Variants in MRPL13 observed in about 807,000 individuals in gnomAD.
MRPL13 encodes mitochondrial ribosomal protein L13.
Under a neutral mutation model 29.0 loss-of-function variants are expected in MRPL13, and 33 were observed. The ratio of observed to expected loss-of-function variants is 1.14; its 90% CI spans 0.86 to 1.52. The LOEUF is 1.52. Among genes scored for constraint, MRPL13 ranks in the 40% most tolerant of loss-of-function variants. The probability of loss-of-function intolerance (pLI) is 0.00; values close to 1 mark genes in which losing one functional copy is unlikely to be tolerated. For synonymous variants in MRPL13, 77 were observed against 68.4 expected, an observed-to-expected ratio of 1.13 and a Z score of -0.62; for missense variants, 227 against 216.7, an observed-to-expected ratio of 1.05 and a Z score of -0.30.
intron 5 of MRPL13, among the ~76,000 whole-genome samples, chr8:120,416,365 G>C (rs905389434): frequency 3.9e-5 from 6 of 152,098 alleles, no homozygotes; most frequent in African/African-American, 1.2e-4. Context: ...GTGGTGGCGG[G>C]TGCCTGTAGT....
intron 1 of MRPL13, 143 bp downstream of exon 1, chr8:120,444,925 C>A: frequency 3.0e-6 from 3 of 992,744 alleles, no homozygotes; most frequent in South Asian, 2.7e-5. Context: ...GACTGACGAC[C>A]CTCTTGTGCT....
chr8:120,437,836 A>AT (rs1292147159), intron 2 of MRPL13, among the ~76,000 whole-genome samples: 1 of 152,144 alleles, frequency 6.6e-6, no homozygotes. Flanking sequence ...AATGATCATC[A>AT]TTTGTAATAT....
rs774195780 is a variant in MRPL13, at chr8:120,443,225, T to C, written c.111A>G (p.Ile37Met). 2.2e-5 allele frequency: 35 copies of C among 1,609,416 alleles called. No homozygotes were observed. The highest frequency in any genetic ancestry group is 2.8e-5 in the Non-Finnish European group (33 of 1,177,842). ...PPGKLAAMAS[I>M]RLQGLHKPVY... Reference sequence around the variant, plus strand: ...CAGGTTTATGTAATCCCTGAAGTCTTATAGATGCCATAGCAGCAAGTTTGC... The same window carrying C: ...CAGGTTTATGTAATCCCTGAAGTCTCATAGATGCCATAGCAGCAAGTTTGC... Residue 37 changes from isoleucine (I) to methionine (M), a missense_variant, in exon 2 of 7, where the codon ATA becomes ATG. Physicochemically the swap from Ile to Met is conservative, Grantham distance 10 (BLOSUM62 1). Coordinates refer to ENST00000306185, the MANE Select transcript of MRPL13 (RefSeq NM_014078.6).
chr8:120,443,328 A>AG lies in MRPL13; in HGVS notation c.28-21_28-20insC, dbSNP rs754912836. ...CCATTGCTTGGGGGGGAAAAAAAAAAAAAAGAAGAGGAAAAAATAAAGATA... is the reference window on the plus strand; with the variant it reads ...CCATTGCTTGGGGGGGAAAAAAAAAAGAAAAGAAGAGGAAAAAATAAAGATA... On this transcript the variant is annotated intron_variant, in intron 1 of 6. Transcript: ENST00000306185. 4 of 1,555,400 alleles carry AG rather than the reference A, an allele frequency of 2.6e-6. No homozygotes were observed. The highest frequency in any genetic ancestry group is 2.6e-6 in the Non-Finnish European group (3 of 1,156,840).
intron 5 of MRPL13, among the ~76,000 whole-genome samples, chr8:120,418,138 T>C (rs557094861): frequency 1.8e-3 from 275 of 152,194 alleles, no homozygotes; most frequent in Non-Finnish European, 3.4e-3. Context: ...TGCATACAAA[T>C]GTAGTATGCC....
chr8:120,407,242 C>A (rs1812679404), intron 6 of MRPL13, among the ~76,000 whole-genome samples: 2 of 152,118 alleles, frequency 1.3e-5, no homozygotes, highest in South Asian at 4.1e-4. Context: ...CACCTCTTAA[C>A]ATTAGGAAAA....
At chr8:120,407,786 CT>C (rs1468272576) in intron 6 of MRPL13, among the ~76,000 whole-genome samples, 3 of 152,062 alleles carry the variant, frequency 2.0e-5, no homozygotes, top group Non-Finnish European at 4.4e-5. Flanking sequence ...TTGAGTGTAG[CT>C]TAAGTGTAAT....
Position 120,445,100 on chromosome 8 carries a change from T to C in MRPL13, c.-6A>G. 2.5e-6 allele frequency: 4 copies of C among 1,613,842 alleles called. No individual in the cohort carries two copies. Among genetic ancestry groups the C allele is most frequent in the Non-Finnish European group, 3.4e-6 (4 of 1,179,902 alleles). ...GCCCTAGAGAAACTCGACATATTCC[T>C]CTACTAGCAGGACCGTACGTCCTTC... On this transcript the variant is annotated 5_prime_UTR_variant, in exon 1 of 7. Coordinates refer to ENST00000306185, the MANE Select transcript of MRPL13 (RefSeq NM_014078.6).
At chr8:120,420,260 C>G (rs1348609649) in intron 4 of MRPL13, among the ~76,000 whole-genome samples, 1 of 151,156 alleles carries the variant, frequency 6.6e-6, no homozygotes, top group African/African-American at 2.4e-5. Context: ...TAAAGCTAAA[C>G]CCACTAAAAC....
chr8:120,411,780 G>C (rs1029447869), intron 6 of MRPL13, among the ~76,000 whole-genome samples: 16 of 152,172 alleles, frequency 1.1e-4, no homozygotes, highest in Admixed American at 3.3e-4. Flanking sequence ...TATTCCCAGA[G>C]TAGTAACTAA....
intron 6 of MRPL13, 124 bp downstream of exon 6, chr8:120,413,867 G>A: frequency 8.2e-7 from 1 of 1,225,714 alleles, no homozygotes; most frequent in South Asian, 2.8e-5. Flanking sequence ...AGTAGCTGCT[G>A]AGTTCCCAGG....
Position 120,443,317 on chromosome 8 carries a change from G to GT in MRPL13, c.28-10_28-9insA, listed in dbSNP as rs763415233. 7.1e-7 allele frequency: 1 copy of GT among 1,416,142 alleles called. No homozygotes were observed. The highest frequency in any genetic ancestry group is 9.3e-7 in the Non-Finnish European group (1 of 1,075,134). The allele number at this position is 1,416,142 out of a possible 1,614,324, so 87.7% of individuals were successfully genotyped here. On this transcript the variant is annotated splice_polypyrimidine_tract_variant and intron_variant, in intron 1 of 6. Transcript: ENST00000306185. ...GCAAAAGTGGCCCATTGCTTGGGGG[G>GT]GAAAAAAAAAAAAAAGAAGAGGAAA...
Position 120,432,057 on chromosome 8 carries a change from T to C in MRPL13, c.218A>G (p.Glu73Gly). 6.2e-7 allele frequency: 1 copy of C among 1,608,932 alleles called. No homozygotes were observed. The highest frequency in any genetic ancestry group is 8.5e-7 in the Non-Finnish European group (1 of 1,177,390). The change falls in exon 3 of 7, where the codon GAA (glutamate) becomes GGA (glycine). Residue 73 changes from glutamate (E) to glycine (G), a missense_variant. Transcript: ENST00000306185. ...AGTATGCGAAGAGTATACTTTTTGT[T>C]CCCATTTGTTTCCAGAAAATGCAAT... ...RHIAFSGNKW[E>G]QKVYSSHTGY...
intron 6 of MRPL13, among the ~76,000 whole-genome samples, chr8:120,410,333 T>C (rs747860441): frequency 7.2e-5 from 11 of 152,168 alleles, no homozygotes; most frequent in Non-Finnish European, 1.3e-4. Flanking sequence ...AGGAAAATTA[T>C]ATTCTTGGCT....
intron 6 of MRPL13, among the ~76,000 whole-genome samples, chr8:120,408,725 T>C (rs1370552989): frequency 6.6e-6 from 1 of 152,198 alleles, no homozygotes; most frequent in Non-Finnish European, 1.5e-5. Context: ...TGTCTTTAAG[T>C]CTCTGATCTG....
At chr8:120,396,913 A>C (rs1812530719) in intron 6 of MRPL13, among the ~76,000 whole-genome samples, 1 of 152,204 alleles carries the variant, frequency 6.6e-6, no homozygotes, top group South Asian at 2.1e-4. Flanking sequence ...CAGTTCTCCC[A>C]GAGGAATGAA....
At chr8:120,406,547 ATGTGTGCATGTGTGTGTG>A (rs1195202665) in intron 6 of MRPL13, among the ~76,000 whole-genome samples, 54 of 82,208 alleles carry the variant, frequency 6.6e-4, no homozygotes, top group African/African-American at 2.1e-3. Flanking sequence ...TGGATTATAT[ATGTGTGCATGTGTGTGTG>A]TGTGTGTGTG....
At chr8:120,426,448 G>GA (rs1209276676) in intron 3 of MRPL13, among the ~76,000 whole-genome samples, 1 of 151,992 alleles carries the variant, frequency 6.6e-6, no homozygotes, top group Non-Finnish European at 1.5e-5. Context: ...TTCAGTTTTA[G>GA]AAAAAGAAAT....
At chr8:120,404,809 T>C (rs1274776325) in intron 6 of MRPL13, among the ~76,000 whole-genome samples, 1 of 152,196 alleles carries the variant, frequency 6.6e-6, no homozygotes, top group Non-Finnish European at 1.5e-5. Flanking sequence ...AGGAGGTAGA[T>C]GGCAGGGATC....
Sources: allele counts gnomAD v4.1 joint callset (sites outside exome capture counted in the v4.1 genomes callset), GRCh38; gene constraint gnomAD v4.1.1; transcripts MANE v1.5; gene names NCBI Gene and HGNC (gene_info 2026-07-23, HGNC 2026-07-21).